The following CUL2 variants were observed in gnomAD, a reference collection of about 807,000 sequenced individuals.
CUL2 encodes cullin-2.
In CUL2, 22 loss-of-function variants were observed where a neutral mutation model predicts 110.2. The ratio of observed to expected loss-of-function variants is 0.20; its 90% CI spans 0.14 to 0.28. The LOEUF (loss-of-function observed/expected upper bound fraction) is 0.28, where lower values mean the gene tolerates loss of function less well. Among genes scored for constraint, CUL2 ranks in the 10% least tolerant of loss-of-function variants. CUL2 has a pLI of 1.00. For missense variants in CUL2, 631 were observed against 905.5 expected (o/e 0.70, Z 3.89); for synonymous variants, 279 against 293.2 (o/e 0.95, Z 0.49).
chr10:35,125,330 G>A (rs2087743069), intron 1 of CUL2, among the ~76,000 whole-genome samples: 1 of 152,194 alleles, frequency 6.6e-6, no homozygotes, highest in Non-Finnish European at 1.5e-5. Context: ...TTATAATTAA[G>A]ACTACATACA....
intron 1 of CUL2, among the ~76,000 whole-genome samples, chr10:35,082,390 TG>T (rs1362717459): frequency 3.3e-5 from 5 of 152,070 alleles, no homozygotes; most frequent in African/African-American, 1.2e-4. Context: ...TATCAGATGC[TG>T]GGGGAAGGGG....
chr10:35,074,730 G>A (rs746282793), intron 1 of CUL2, among the ~76,000 whole-genome samples: 28 of 152,082 alleles, frequency 1.8e-4, no homozygotes, highest in African/African-American at 9.7e-5. Flanking sequence ...CAAGTGATCC[G>A]CCCGCCTTGG....
chr10:35,013,675 AAAC>A, intron 19 of CUL2, 21 bp downstream of exon 19: 1 of 1,463,224 alleles, frequency 6.8e-7, no homozygotes, highest in South Asian at 1.3e-5. Flanking sequence ...CCCTCAAAAA[AAAC>A]TTGACATTAA....
At chr10:35,021,668 G>A (rs1288282651) in intron 17 of CUL2, among the ~76,000 whole-genome samples, 1 of 137,370 alleles carries the variant, frequency 7.3e-6, no homozygotes, top group South Asian at 2.3e-4. Flanking sequence ...GGCCTGCCTG[G>A]TCTTCTCACT....
At chr10:35,064,698 A>G (rs537365484) in intron 2 of CUL2, among the ~76,000 whole-genome samples, 1 of 152,110 alleles carries the variant, frequency 6.6e-6, no homozygotes, top group African/African-American at 2.4e-5. Context: ...TTATTTATTT[A>G]TATTTTTACT....
intron 8 of CUL2, among the ~76,000 whole-genome samples, chr10:35,040,102 G>A (rs755913866): frequency 1.8e-4 from 27 of 152,024 alleles, no homozygotes; most frequent in African/African-American, 5.1e-4. Context: ...GCAGTGAGCC[G>A]ACATCACGCC....
intron 5 of CUL2, among the ~76,000 whole-genome samples, chr10:35,051,545 G>C (rs2086112015): frequency 6.6e-6 from 1 of 152,110 alleles, no homozygotes; most frequent in Admixed American, 6.5e-5. Context: ...CCGGCCGGGC[G>C]GAGCCTGCAG....
At chr10:35,066,277 T>C (rs1434030378) in intron 2 of CUL2, among the ~76,000 whole-genome samples, 1 of 150,448 alleles carries the variant, frequency 6.6e-6, no homozygotes, top group South Asian at 2.1e-4. Context: ...AAATATATAA[T>C]AAAATTAACA....
chr10:35,103,308 A>ATT (rs67257350), intron 1 of CUL2, among the ~76,000 whole-genome samples: 3,726 of 94,346 alleles, frequency 0.039, 183 homozygotes, highest in East Asian at 0.087. Context: ...GGCCAAGCTA[A>ATT]TTTTTTTTTT....
At position 35,063,062 on chromosome 10, in the gene CUL2, T is replaced by G. The variant is rs2086424266; in HGVS notation, c.120A>C (p.Ser40=). The G allele has an allele frequency of 6.7e-7, 1 of 1,486,954 alleles. No individual in the cohort carries two copies. Among genetic ancestry groups the G allele is most frequent in the African/African-American group, 1.4e-5 (1 of 71,814 alleles). The allele number at this position is 1,486,954 out of a possible 1,614,324, so 92.1% of individuals were successfully genotyped here. A position where few individuals can be genotyped will look rare whatever the true frequency, so the allele number is the denominator to read the frequency against. ...AGGCCACACATAAAGCATAGATATC[T>G]CTAGTTAAATTATTAAGGTTTTCAT... ...VERATWNDRF[S]DIYALCVAYP... Residue 40 remains serine (S), a splice_region_variant and synonymous_variant, in exon 3 of 21, where the codon TCA becomes TCC. Coordinates refer to ENST00000374749, the MANE Select transcript of CUL2 (RefSeq NM_003591.4).
intron 6 of CUL2, among the ~76,000 whole-genome samples, chr10:35,045,558 A>C (rs2085915343): frequency 6.6e-6 from 1 of 151,218 alleles, no homozygotes; most frequent in Non-Finnish European, 1.5e-5. Flanking sequence ...AAAAAAAAAA[A>C]AAACAACTTA....
Position 35,010,685 on chromosome 10 carries a change from TAACTC to T in CUL2, c.2107-248_2107-244del, listed in dbSNP as rs374829122. Reference sequence around the variant, plus strand: ...TCACACACAACCCCAAGCTTCTATTTAACTCAACTCTCAGCTCTTAGTTCAAACAC... The same window carrying T: ...TCACACACAACCCCAAGCTTCTATTTAACTCTCAGCTCTTAGTTCAAACAC... On this transcript the variant is annotated intron_variant, in intron 20 of 20. Transcript: ENST00000374749. Among the ~76,000 whole-genome samples, 416 of 152,340 alleles carry T rather than the reference TAACTC, an allele frequency of 2.7e-3. 1 individual carries two copies. Among genetic ancestry groups the T allele is most frequent in the African/African-American group, 9.3e-3 (385 of 41,576 alleles).
chr10:35,095,458 A>G (rs561482722), upstream of CUL2, among the ~76,000 whole-genome samples: 1 of 152,314 alleles, frequency 6.6e-6, no homozygotes, highest in South Asian at 2.1e-4. Context: ...ATATATTTTT[A>G]TACGTATCAG....
intron 8 of CUL2, among the ~76,000 whole-genome samples, chr10:35,043,214 T>G (rs541785151): frequency 3.2e-4 from 49 of 152,262 alleles, no homozygotes; most frequent in African/African-American, 1.2e-3. Context: ...CACTTGCCAG[T>G]GGCATATTTT....
chr10:35,114,335 G>C lies in CUL2; in HGVS notation c.-51+12270C>G, dbSNP rs368023611. Among the ~76,000 whole-genome samples the C allele has an allele frequency of 2.6e-5, 4 of 151,988 alleles. No individual in the cohort carries two copies. The East Asian group carries it at 5.8e-4, about 22-fold the overall frequency. ...CTACCTCGGCCTCCTCAAGTGCTGG[G>C]ATTACAGGTGTGAGGCACCGCCCCC... is the stretch of plus-strand genomic sequence containing the variant. On this transcript the variant is annotated intron_variant, in intron 1 of 5. Transcript: ENST00000685421.
At chr10:35,093,129 C>T (rs61161332), upstream of CUL2, among the ~76,000 whole-genome samples, 20,553 of 152,008 alleles carry the variant, frequency 0.14, 1,581 homozygotes, top group South Asian at 0.2. Flanking sequence ...CCTATGATTC[C>T]ATCCCCAACC....
chr10:35,034,202 C>T (rs12184386), intron 10 of CUL2, among the ~76,000 whole-genome samples: 54,344 of 152,064 alleles, frequency 0.36, 11,822 homozygotes, highest in Middle Eastern at 0.5. Flanking sequence ...CCAGCCTTGA[C>T]ACAAAATTCG....
intron 2 of CUL2, among the ~76,000 whole-genome samples, chr10:35,096,154 A>G (rs1325589636): frequency 1.3e-5 from 2 of 151,860 alleles, no homozygotes; most frequent in African/African-American, 4.8e-5. Context: ...AGGCTGAGGC[A>G]GGAGAATCAC....
intron 8 of CUL2, among the ~76,000 whole-genome samples, chr10:35,042,021 A>G (rs1588986961): frequency 6.6e-6 from 1 of 152,234 alleles, no homozygotes; most frequent in African/African-American, 2.4e-5. Flanking sequence ...AACATAGATA[A>G]TAAAATTTAC....
Sources: allele counts gnomAD v4.1 joint callset (sites outside exome capture counted in the v4.1 genomes callset), GRCh38; gene constraint gnomAD v4.1.1; transcripts MANE v1.5; gene names NCBI Gene and HGNC (gene_info 2026-07-23, HGNC 2026-07-21).